MAGI1: variants seen among roughly 807,000 people sequenced by gnomAD.
MAGI1 encodes the protein membrane-associated guanylate kinase, WW and PDZ domain-containing protein 1.
Under a neutral mutation model 139.9 loss-of-function variants are expected in MAGI1, and 58 were observed. The ratio of observed to expected loss-of-function variants is 0.41; its 90% CI spans 0.34 to 0.52. MAGI1 has a LOEUF of 0.52. MAGI1 is among the 20% of genes least tolerant of loss of function. MAGI1 has a pLI of 0.12. For missense variants in MAGI1, 1,874 were observed against 1,901.6 expected (o/e 0.99, Z 0.27); for synonymous variants, 812 against 737.9 (o/e 1.10, Z -1.63).
chr3:65,957,132 G>A (rs2064162843), intron 1 of MAGI1, among the ~76,000 whole-genome samples: 1 of 152,084 alleles, frequency 6.6e-6, no homozygotes, highest in African/African-American at 2.4e-5. Context: ...ATAATAATTT[G>A]TAATAGTCCA....
intron 1 of MAGI1, among the ~76,000 whole-genome samples, chr3:65,885,540 A>C (rs1217861436): frequency 6.6e-6 from 1 of 152,114 alleles, no homozygotes; most frequent in Admixed American, 6.5e-5. Flanking sequence ...TAGCTTCCTT[A>C]ATCCTTACAT....
chr3:65,952,586 G>A (rs1267327800), intron 1 of MAGI1, among the ~76,000 whole-genome samples: 5 of 152,094 alleles, frequency 3.3e-5, no homozygotes, highest in African/African-American at 4.8e-5. Flanking sequence ...AGGCCGAGGC[G>A]GGTGGATCAC....
Position 65,821,439 on chromosome 3 carries a change from T to C in MAGI1, c.314-199351A>G, listed in dbSNP as rs1373168850. Among the ~76,000 whole-genome samples the C allele has an allele frequency of 2.6e-5, 4 of 152,312 alleles. No homozygotes were observed. In the East Asian group the frequency reaches 7.7e-4, roughly 29 times the overall value. On this transcript the variant is annotated intron_variant, in intron 1 of 22. Transcript: ENST00000402939. ...TCTGCTGCATGCCTGGCATGCTTCCTGGAAGTCAACAGTGTCTCCTGGATG... is the reference window on the plus strand; with the variant it reads ...TCTGCTGCATGCCTGGCATGCTTCCCGGAAGTCAACAGTGTCTCCTGGATG...
At chr3:65,679,757 G>A (rs1275468297) in intron 1 of MAGI1, among the ~76,000 whole-genome samples, 1 of 152,158 alleles carries the variant, frequency 6.6e-6, no homozygotes, top group Non-Finnish European at 1.5e-5. Flanking sequence ...GGGGTGGGGG[G>A]AAATGTCACC....
At chr3:65,549,255 G>A (rs1260376771) in intron 2 of MAGI1, among the ~76,000 whole-genome samples, 3 of 152,104 alleles carry the variant, frequency 2.0e-5, no homozygotes, top group Non-Finnish European at 2.9e-5. Context: ...GCTCCCCGGC[G>A]CGGCCACTTC....
intron 1 of MAGI1, among the ~76,000 whole-genome samples, chr3:65,814,736 G>C (rs114207549): frequency 0.036 from 5,456 of 152,178 alleles, 131 homozygotes; most frequent in Middle Eastern, 0.051. Context: ...CTTTTATAAA[G>C]AAAAATATGG....
At chr3:65,896,590 G>A (rs920782374) in intron 1 of MAGI1, among the ~76,000 whole-genome samples, 1 of 152,090 alleles carries the variant, frequency 6.6e-6, no homozygotes. Flanking sequence ...CAGGAGGATC[G>A]CTGGAGCCCA....
intron 1 of MAGI1, among the ~76,000 whole-genome samples, chr3:65,846,728 C>G (rs1362662635): frequency 6.6e-6 from 1 of 152,146 alleles, no homozygotes; most frequent in Non-Finnish European, 1.5e-5. Context: ...GGTAAAGTAA[C>G]TTACCCAAGG....
intron 1 of MAGI1, among the ~76,000 whole-genome samples, chr3:65,790,003 AT>A (rs770184162): frequency 6.6e-5 from 10 of 152,230 alleles, no homozygotes; most frequent in Non-Finnish European, 1.5e-4. Context: ...AGTAATGATT[AT>A]TAACGTATTA....
chr3:65,907,071 C>G (rs2061469081), intron 1 of MAGI1, among the ~76,000 whole-genome samples: 1 of 149,902 alleles, frequency 6.7e-6, no homozygotes, highest in African/African-American at 2.4e-5. Context: ...AAAAAAAACA[C>G]TCCACTTGGT....
intron 2 of MAGI1, among the ~76,000 whole-genome samples, chr3:65,594,832 ACT>A (rs752465015): frequency 6.6e-6 from 1 of 152,004 alleles, no homozygotes; most frequent in Non-Finnish European, 1.5e-5. Context: ...AGTACTATCA[ACT>A]CTATATTTAC....
intron 1 of MAGI1, among the ~76,000 whole-genome samples, chr3:65,733,189 G>T (rs2034366283): frequency 6.6e-6 from 1 of 152,086 alleles, no homozygotes; most frequent in African/African-American, 2.4e-5. Context: ...CTCCCGAGTA[G>T]CTGGGATCAC....
chr3:65,900,095 A>G (rs765256762), intron 1 of MAGI1, among the ~76,000 whole-genome samples: 3 of 152,166 alleles, frequency 2.0e-5, no homozygotes, highest in Non-Finnish European at 4.4e-5. Flanking sequence ...CTGGACCCAA[A>G]AAAAAAAACG....
intron 12 of MAGI1, among the ~76,000 whole-genome samples, chr3:65,425,108 T>TAAAAAAAAAAAAAAA (rs72030632): frequency 1.5e-5 from 1 of 66,580 alleles, no homozygotes; most frequent in African/African-American, 6.1e-5. Context: ...GTAGAACTTC[T>TAAAAAAAAAAAAAAA]AAAAAAAAAA....
intron 2 of MAGI1, among the ~76,000 whole-genome samples, chr3:65,568,579 G>T (rs753285810): frequency 1.2e-4 from 18 of 152,130 alleles, no homozygotes; most frequent in Non-Finnish European, 2.1e-4. Flanking sequence ...GGATAATAGG[G>T]ACTGCACACT....
Position 65,356,392 on chromosome 3 carries a change from C to G in MAGI1, c.4375G>C (p.Asp1459His). The change falls in exon 23 of 23, where the codon GAC becomes CAC. Residue 1459 changes from aspartate to histidine, a missense_variant. By Grantham distance (81) the Asp-to-His change is moderately conservative (BLOSUM62 -1). Coordinates refer to ENST00000402939, the MANE Select transcript of MAGI1 (RefSeq NM_001033057.2). ...RRRPYKECST[D>H]LSI Reference sequence around the variant, plus strand: ...GACTCAGCGTCTCAGATACTGAGGTCGGTGCTACATTCTTTGTAAGGTCGC... The same window carrying G: ...GACTCAGCGTCTCAGATACTGAGGTGGGTGCTACATTCTTTGTAAGGTCGC... 1.3e-6 allele frequency: 2 copies of G among 1,589,274 alleles called. No homozygotes were observed. Among genetic ancestry groups the G allele is most frequent in the South Asian group, 1.1e-5 (1 of 88,484 alleles).
At chr3:65,360,067 G>A (rs140090245) in intron 22 of MAGI1, 155 of 985,206 alleles carry the variant, frequency 1.6e-4, no homozygotes, top group Non-Finnish European at 4.8e-5. Context: ...CCTGTACCTC[G>A]GACCCCTCGT....
At chr3:65,553,531 G>A (rs1034885760) in intron 2 of MAGI1, among the ~76,000 whole-genome samples, 11 of 152,138 alleles carry the variant, frequency 7.2e-5, no homozygotes, top group Admixed American at 3.3e-4. Flanking sequence ...GAACAGACAC[G>A]GTGATGAGAT....
chr3:65,662,973 A>G (rs2086284677), intron 1 of MAGI1, among the ~76,000 whole-genome samples: 2 of 152,096 alleles, frequency 1.3e-5, no homozygotes, highest in Admixed American at 1.3e-4. Context: ...TGAGCAGGGC[A>G]TGGATGGTAG....
Sources: gnomAD v4.1 joint callset for allele counts (sites outside exome capture counted in the v4.1 genomes callset) on GRCh38, gnomAD v4.1.1 for gene constraint, MANE v1.5 for transcripts, NCBI Gene and HGNC (gene_info 2026-07-23, HGNC 2026-07-21) for gene names.